The following INO80 variants were observed in gnomAD, a reference collection of about 807,000 sequenced individuals.
The protein encoded by INO80 is INO80 complex ATPase subunit.
INO80 carries 20 observed loss-of-function variants against 203.4 expected under a neutral mutation model. The observed-to-expected ratio is 0.10, with a 90% CI of 0.07 to 0.14. The LOEUF is 0.14. Among genes scored for constraint, INO80 ranks in the 10% least tolerant of loss-of-function variants. The pLI is 1.00. For missense variants in INO80, 1,419 were observed against 1,914.4 expected, an observed-to-expected ratio of 0.74 and a Z score of 4.83; for synonymous variants, 726 against 685.2, an observed-to-expected ratio of 1.06 and a Z score of -0.93.
intron 27 of INO80, among the ~76,000 whole-genome samples, chr15:41,008,936 C>T (rs569398403): frequency 2.6e-5 from 4 of 152,284 alleles, no homozygotes; most frequent in East Asian, 1.9e-4. Context: ...GGGGTTCAAG[C>T]GATTCTCCTG....
intron 19 of INO80, among the ~76,000 whole-genome samples, chr15:41,053,086 G>A (rs2044911942): frequency 6.6e-6 from 1 of 151,978 alleles, no homozygotes; most frequent in African/African-American, 2.4e-5. Context: ...TGCTATGTAT[G>A]GACCTTGCTT....
At position 41,072,057 on chromosome 15, in the gene INO80, G is replaced by A; in HGVS notation, c.1397C>T (p.Thr466Ile). Residue 466 changes from threonine (T) to isoleucine (I), a missense_variant and splice_region_variant, in exon 12 of 36, where the codon ACA becomes ATA. Thr to Ile is a moderately conservative substitution (Grantham distance 89, BLOSUM62 -1). Transcript: ENST00000648947. ...ENAYHIHQARTRSFDEDAKES... is the reference protein window; with the variant it reads ...ENAYHIHQARIRSFDEDAKES... Reference sequence around the variant, plus strand: ...TTTTGCATCTTCATCAAATGACCTTGTCTGGAAAGTAAAAAAAAAAAAAAT... The same window carrying A: ...TTTTGCATCTTCATCAAATGACCTTATCTGGAAAGTAAAAAAAAAAAAAAT... The A allele has an allele frequency of 7.1e-7, 1 of 1,415,514 alleles. No homozygotes were observed. Among genetic ancestry groups the A allele is most frequent in the Non-Finnish European group, 9.5e-7 (1 of 1,054,748 alleles). The allele number at this position is 1,415,514 out of a possible 1,614,324, so 87.7% of individuals were successfully genotyped here.
In INO80 at chr15:40,980,317, C is replaced by T. The variant is rs763157145; in HGVS notation, c.4577G>A (p.Gly1526Glu). 4 of 1,613,824 alleles carry T rather than the reference C, an allele frequency of 2.5e-6. No homozygotes were observed. In the East Asian group the frequency reaches 8.9e-5, roughly 36 times the overall value. ...GGTCATGTGGAGGTTCTTGGGATTC[C>T]CAGGAACATTATTTCCCTTGCTCAA... ...SPLSKGNNVP[G>E]NPKNLHMTSS... The change falls in exon 36 of 36, where the codon GGG (glycine) becomes GAG (glutamate). Residue 1526 changes from glycine to glutamate, a missense_variant. Gly to Glu is a moderately conservative substitution (Grantham distance 98, BLOSUM62 -2). This residue lies in a region of INO80 where 112 missense variants were observed against 106.2 expected (regional missense o/e 1.05). Transcript: ENST00000648947.
At chr15:40,986,406 C>T (rs1376378427) in intron 31 of INO80, among the ~76,000 whole-genome samples, 2 of 140,542 alleles carry the variant, frequency 1.4e-5, no homozygotes, top group African/African-American at 5.2e-5. Context: ...CTCACTGCAA[C>T]CTCTGCCTCC....
chr15:41,071,907 C>T lies in INO80; in HGVS notation c.1547G>A (p.Gly516Asp). The part of the protein sequence containing the change: ...EDIPQPTIFN[G>D]KLKGYQLKGM... The stretch of plus-strand genomic sequence containing the variant: ...TTTCAGTTGATAACCTTTCAATTTG[C>T]CATTAAAAATTGTGGGCTGTGGAAT... The change falls in exon 12 of 36, where the codon GGC becomes GAC. Residue 516 changes from glycine (G) to aspartate (D), a missense_variant. Coordinates refer to ENST00000648947, the MANE Select transcript of INO80 (RefSeq NM_017553.3). 1 of 1,613,892 alleles carries T rather than the reference C, an allele frequency of 6.2e-7. No individual in the cohort carries two copies. The highest frequency in any genetic ancestry group is 8.5e-7 in the Non-Finnish European group (1 of 1,179,940).
chr15:41,059,740 C>T, intron 15 of INO80, 127 bp downstream of exon 15: 1 of 573,728 alleles, frequency 1.7e-6, no homozygotes, highest in Non-Finnish European at 3.0e-6. Flanking sequence ...AAAATGGAAA[C>T]TTGATCAGTG....
intron 35 of INO80, 96 bp downstream of exon 35, chr15:40,982,766 C>T (rs534188495): frequency 3.0e-4 from 309 of 1,019,406 alleles, no homozygotes; most frequent in Non-Finnish European, 3.8e-4. Flanking sequence ...AGAAAGCTCC[C>T]GGCTTCAGGG....
At chr15:41,088,214 C>G (rs1392371061) in intron 5 of INO80, among the ~76,000 whole-genome samples, 3 of 151,642 alleles carry the variant, frequency 2.0e-5, no homozygotes, top group African/African-American at 7.3e-5. Context: ...CTCAGCCTCC[C>G]AAGTAGCTGG....
chr15:40,999,930 A>T (rs2043936441), intron 28 of INO80, among the ~76,000 whole-genome samples: 1 of 152,158 alleles, frequency 6.6e-6, no homozygotes, highest in African/African-American at 2.4e-5. Flanking sequence ...GCATCTACAT[A>T]AAATTTTTTT....
intron 20 of INO80, 76 bp downstream of exon 20, chr15:41,049,859 C>T: frequency 7.3e-7 from 1 of 1,374,418 alleles, no homozygotes; most frequent in Non-Finnish European, 1.0e-6. Context: ...GCACTCCAGC[C>T]TGGGCAACAG....
chr15:41,002,833 G>C (rs1448077345), intron 28 of INO80, among the ~76,000 whole-genome samples: 1 of 152,298 alleles, frequency 6.6e-6, no homozygotes, highest in South Asian at 2.1e-4. Context: ...GGCTGGATGC[G>C]GTGGCTCACG....
At chr15:41,045,160 T>C (rs994409891) in intron 23 of INO80, 85 bp from the exon 24 acceptor site, 1 of 965,540 alleles carries the variant, frequency 1.0e-6, no homozygotes, top group Non-Finnish European at 1.5e-6. Context: ...TGTCTCTCAT[T>C]AACATAACTC....
At position 40,987,104 on chromosome 15, in the gene INO80, C is replaced by G; in HGVS notation, c.3819G>C (p.Glu1273Asp). 6.2e-7 allele frequency: 1 copy of G among 1,604,374 alleles called. No individual in the cohort carries two copies. Among genetic ancestry groups the G allele is most frequent in the Non-Finnish European group, 8.5e-7 (1 of 1,171,086 alleles). The stretch of plus-strand genomic sequence containing the variant: ...TAGAGTACATACGTTTCTTCTCCAA[C>G]TCTTCGTCGTCTAGAAGAAGACTAA... ...EVVSLLLDDEELEKKLRLRQE... is the reference protein window; with the variant it reads ...EVVSLLLDDEDLEKKLRLRQE... The change falls in exon 31 of 36, where the codon GAG (glutamate) becomes GAC (aspartate). Residue 1273 changes from glutamate (E) to aspartate (D), a missense_variant. This residue lies in a region of INO80 where 214 missense variants were observed against 248.9 expected (regional missense o/e 0.86). Coordinates refer to ENST00000648947, the MANE Select transcript of INO80 (RefSeq NM_017553.3).
rs767005839 is a variant in INO80, at chr15:41,016,154, C to T, written c.3336G>A (p.Arg1112=). Residue 1112 remains arginine (R), a synonymous_variant, in exon 27 of 36, where the codon CGG becomes CGA. Transcript: ENST00000648947. The part of the protein sequence containing the change: ...KLYALDVLLT[R]LKSQGHRVLI... The stretch of plus-strand genomic sequence containing the variant: ...GGACCCTATGCCCTTGAGACTTGAG[C>T]CGAGTCAGCAGGACATCAAGGGCAT... The T allele has an allele frequency of 1.2e-5, 19 of 1,613,356 alleles. No individual in the cohort carries two copies. In the South Asian group the frequency reaches 2.1e-4, roughly 18 times the overall value.
intron 24 of INO80, among the ~76,000 whole-genome samples, chr15:41,032,629 A>G (rs1009892654): frequency 4.6e-5 from 7 of 152,214 alleles, no homozygotes; most frequent in Admixed American, 3.9e-4. Flanking sequence ...AAACTTCAAC[A>G]TATGCCACTC....
Position 41,027,531 on chromosome 15 carries a change from C to T in INO80, c.3048+65G>A, listed in dbSNP as rs2044393654. On this transcript the variant is annotated intron_variant, in intron 25 of 35. Coordinates refer to ENST00000648947, the MANE Select transcript of INO80 (RefSeq NM_017553.3). ...AACAATTCTGTTTAAGAAATAAATC[C>T]CTTAAAAATTGGTTTATTTCTCCTA... 18 of 1,268,118 alleles carry T rather than the reference C, an allele frequency of 1.4e-5. No individual in the cohort carries two copies. In the South Asian group the frequency reaches 2.3e-4, roughly 16 times the overall value. 78.6% of individuals were successfully genotyped at this position (1,268,118 alleles called of 1,614,324 possible).
chr15:41,087,421 A>C (rs568307947), intron 6 of INO80, 141 bp downstream of exon 6: 5 of 859,080 alleles, frequency 5.8e-6, no homozygotes, highest in Non-Finnish European at 8.9e-6. Context: ...TGTACTTGCT[A>C]CTAATTAGAA....
At chr15:41,097,464 CATAA>C (rs1221350038) in intron 1 of INO80, among the ~76,000 whole-genome samples, 4 of 152,130 alleles carry the variant, frequency 2.6e-5, no homozygotes, top group Non-Finnish European at 5.9e-5. Flanking sequence ...CACCAAATGA[CATAA>C]ATACTCAATA....
chr15:41,026,302 C>A (rs983598943), intron 25 of INO80, among the ~76,000 whole-genome samples: 2 of 152,014 alleles, frequency 1.3e-5, no homozygotes, highest in Non-Finnish European at 2.9e-5. Context: ...TCTGTGATCC[C>A]AGCACTTTGG....
Sources: gnomAD v4.1 joint callset for allele counts (sites outside exome capture counted in the v4.1 genomes callset) on GRCh38, gnomAD v4.1.1 for gene constraint, gnomAD v4.1.1 regional missense constraint, MANE v1.5 for transcripts, NCBI Gene and HGNC (gene_info 2026-07-23, HGNC 2026-07-21) for gene names.